The following FAP variants were observed in gnomAD, a reference collection of about 807,000 sequenced individuals.
FAP encodes the protein prolyl endopeptidase FAP.
FAP carries 110 observed loss-of-function variants against 126.5 expected under a neutral mutation model. That is an observed-to-expected ratio of 0.87 (90% CI 0.74 to 1.02). The LOEUF (loss-of-function observed/expected upper bound fraction) is 1.02. Ranked by LOEUF, FAP falls within the 50% of genes least tolerant of loss-of-function variation. The pLI is 0.00. For synonymous variants in FAP, 334 were observed against 297.3 expected (o/e 1.12, Z -1.27); for missense variants, 919 against 909.2 (o/e 1.01, Z -0.14).
intron 2 of FAP, 54 bp downstream of exon 2, chr2:162,242,854 G>T: frequency 7.4e-7 from 1 of 1,347,850 alleles, no homozygotes; most frequent in Non-Finnish European, 1.1e-6. Context: ...TCTTGCATTA[G>T]TACATTTTCC....
rs1186287610 is a variant in FAP, at chr2:162,202,875, G to T, written c.1220C>A (p.Ser407Ter). ...AINIFRVTQD[S>*]LFYSSNEFEE... ...TCGTGCTTCGTGCAATACTTACAGT[G>T]AATCCTGTGTTACTCTGAATATATT... is the stretch of plus-strand genomic sequence containing the variant. Residue 407 changes from serine to a stop codon, truncating the protein, a stop_gained, in exon 14 of 26, where the codon TCA becomes TAA. Coordinates refer to ENST00000188790, the MANE Select transcript of FAP (RefSeq NM_004460.5). LOFTEE classifies it high-confidence loss of function. 1.3e-5 allele frequency: 21 copies of T among 1,612,124 alleles called. No individual in the cohort carries two copies. Among genetic ancestry groups the T allele is most frequent in the Non-Finnish European group, 1.7e-5 (20 of 1,178,408 alleles).
chr2:162,243,300 A>G, intron 1 of FAP, 22 bp downstream of exon 1: 1 of 1,572,066 alleles, frequency 6.4e-7, no homozygotes, highest in Non-Finnish European at 8.7e-7. Flanking sequence ...TTTTAAGAAT[A>G]CTTGAGGTTG....
intron 14 of FAP, among the ~76,000 whole-genome samples, chr2:162,201,748 G>A (rs1435186155): frequency 6.6e-6 from 1 of 152,106 alleles, no homozygotes; most frequent in African/African-American, 2.4e-5. Context: ...CAGGCGCTGT[G>A]CTAAGTGCTA....
At chr2:162,171,150 T>C in intron 25 of FAP, 70 bp from the exon 26 acceptor site, 2 of 1,161,950 alleles carry the variant, frequency 1.7e-6, no homozygotes, top group East Asian at 4.7e-5. Flanking sequence ...GACTTTTTTG[T>C]GCTCTCAGGA....
At chr2:162,213,393 AAAAAAACAAACAAAAAAAAC>A (rs2106265737) in intron 11 of FAP, among the ~76,000 whole-genome samples, 1 of 150,934 alleles carries the variant, frequency 6.6e-6, no homozygotes, top group East Asian at 1.9e-4. Flanking sequence ...AACAAAAAAC[AAAAAAACAAACAAAAAAAAC>A]AAAAAACAAA....
In FAP at chr2:162,234,102, C is replaced by T. The variant is rs117989412; in HGVS notation, c.92-7481G>A. On this transcript the variant is annotated intron_variant, in intron 2 of 25. Transcript: ENST00000188790. The stretch of plus-strand genomic sequence containing the variant: ...TGCCAGTAACACACTGTCTTGACTA[C>T]GGAGCTTTGTAGTAAGTTTTAAAAT... 1.0e-3 allele frequency among the ~76,000 whole-genome samples: 154 copies of T among 152,254 alleles called. 2 individuals carry two copies. In the East Asian group the frequency reaches 0.023, roughly 22 times the overall value.
At chr2:162,197,196 A>ATT (rs1688287558) in intron 16 of FAP, among the ~76,000 whole-genome samples, 1 of 152,218 alleles carries the variant, frequency 6.6e-6, no homozygotes, top group Non-Finnish European at 1.5e-5. Context: ...AGGGACAGCA[A>ATT]TGTTACCTCA....
intron 17 of FAP, among the ~76,000 whole-genome samples, chr2:162,190,868 G>A (rs1248323353): frequency 6.6e-6 from 1 of 152,016 alleles, no homozygotes; most frequent in Non-Finnish European, 1.5e-5. Context: ...TATACTCATG[G>A]CATTTTGCTC....
chr2:162,186,720 C>T (rs897899368), intron 20 of FAP, among the ~76,000 whole-genome samples: 3 of 152,036 alleles, frequency 2.0e-5, no homozygotes, highest in Non-Finnish European at 2.9e-5. Context: ...CCCAGGATTA[C>T]ATGTCCTTGA....
At chr2:162,224,769 A>G (rs1328693590) in intron 4 of FAP, among the ~76,000 whole-genome samples, 1 of 152,186 alleles carries the variant, frequency 6.6e-6, no homozygotes, top group Non-Finnish European at 1.5e-5. Flanking sequence ...CAAGAAACAT[A>G]AACTTTCTAA....
Position 162,173,193 on chromosome 2 carries a change from T to C in FAP, c.2063A>G (p.Tyr688Cys), listed in dbSNP as rs776939807. Residue 688 changes from tyrosine to cysteine, a missense_variant, in exon 24 of 26, where the codon TAT becomes TGT. Transcript: ENST00000188790. The part of the protein sequence containing the change: ...KNSTVMARAE[Y>C]FRNVDYLLIH... Reference sequence around the variant, plus strand: ...GAGAAGATAGTCTACATTTCTGAAATATTCTGCTCTTGCCATCACAGTTGA... The same window carrying C: ...GAGAAGATAGTCTACATTTCTGAAACATTCTGCTCTTGCCATCACAGTTGA... 2 of 1,613,186 alleles carry C rather than the reference T, an allele frequency of 1.2e-6. No individual in the cohort carries two copies. The highest frequency in any genetic ancestry group is 4.5e-5 in the East Asian group (2 of 44,864).
chr2:162,187,411 T>A (rs1687899871), intron 20 of FAP, among the ~76,000 whole-genome samples: 1 of 152,084 alleles, frequency 6.6e-6, no homozygotes, highest in South Asian at 2.1e-4. Context: ...CGAACTATTA[T>A]TCTTAGCTTC....
intron 12 of FAP, among the ~76,000 whole-genome samples, chr2:162,205,575 G>C (rs369211921): frequency 5.3e-5 from 8 of 151,636 alleles, no homozygotes; most frequent in African/African-American, 1.9e-4. Flanking sequence ...TGCAAATAGC[G>C]TGGTCTTGGC....
rs1387705212 is a variant in FAP at position 162,189,787 on chromosome 2, T to C, written c.1451-33A>G. 5 of 1,257,738 alleles carry C rather than the reference T, an allele frequency of 4.0e-6. No homozygotes were observed. In the Admixed American group the frequency reaches 6.0e-5, roughly 15 times the overall value. The allele number at this position is 1,257,738 out of a possible 1,614,324, so 77.9% of individuals were successfully genotyped here. ...ATGTTAAATGTTCATTTTTAATCAA[T>C]AGTATTTCCATAAACAATTTTTTTC... On this transcript the variant is annotated intron_variant, in intron 17 of 25. Coordinates refer to ENST00000188790, the MANE Select transcript of FAP (RefSeq NM_004460.5).
chr2:162,219,288 CA>C lies in FAP; in HGVS notation c.487-106del, dbSNP rs1382035799. The C allele has an allele frequency of 9.1e-6, 10 of 1,098,618 alleles. No individual in the cohort carries two copies. In the East Asian group the frequency reaches 2.5e-4, roughly 27 times the overall value. 68.1% of individuals were successfully genotyped at this position (1,098,618 alleles called of 1,614,324 possible). On this transcript the variant is annotated intron_variant, in intron 7 of 25. Transcript: ENST00000188790. ...TTTAAACAGAGTGGTAATAAAGATA[CA>C]AAAAAGATTCACAACTAAAATACCA... is the stretch of plus-strand genomic sequence containing the variant.
intron 20 of FAP, among the ~76,000 whole-genome samples, chr2:162,184,291 C>T (rs900362189): frequency 6.6e-6 from 1 of 152,096 alleles, no homozygotes; most frequent in African/African-American, 2.4e-5. Context: ...CAGAAACCAC[C>T]GTATGCAACA....
intron 21 of FAP, chr2:162,176,180 T>G (rs1023269045): frequency 6.6e-6 from 1 of 151,750 alleles, no homozygotes; most frequent in African/African-American, 2.4e-5. Flanking sequence ...GAGAGAGAGG[T>G]AGACAGACAT....
intron 16 of FAP, among the ~76,000 whole-genome samples, chr2:162,196,064 A>G (rs1389004212): frequency 6.6e-6 from 1 of 152,142 alleles, no homozygotes; most frequent in African/African-American, 2.4e-5. Flanking sequence ...TCAGTGCTGT[A>G]CCTGTGCCAG....
intron 2 of FAP, among the ~76,000 whole-genome samples, chr2:162,239,867 T>C (rs1226664243): frequency 5.3e-5 from 8 of 152,200 alleles, no homozygotes; most frequent in Non-Finnish European, 1.2e-4. Context: ...ATATAAATCA[T>C]GAATCAAGTT....
Sources: allele counts gnomAD v4.1 joint callset (sites outside exome capture counted in the v4.1 genomes callset), GRCh38; gene constraint gnomAD v4.1.1; transcripts MANE v1.5; gene names NCBI Gene and HGNC (gene_info 2026-07-23, HGNC 2026-07-21).